The following CDH22 variants were observed in gnomAD, a reference collection of about 807,000 sequenced individuals.
The protein encoded by CDH22 is cadherin-22.
CDH22 carries 30 observed loss-of-function variants against 58.4 expected under a neutral mutation model. That is an observed-to-expected ratio of 0.51 (90% CI 0.38 to 0.70). CDH22 has a LOEUF of 0.70. CDH22 is among the 30% of genes least tolerant of loss of function. The pLI, the probability that CDH22 is intolerant of heterozygous loss-of-function variation, is 0.00. For synonymous variants in CDH22, 513 were observed against 558.2 expected (o/e 0.92, Z 1.14); for missense variants, 1,014 against 1,233.9 (o/e 0.82, Z 2.67).
intron 1 of CDH22, among the ~76,000 whole-genome samples, chr20:46,283,346 C>T (rs889120541): frequency 6.6e-6 from 1 of 152,136 alleles, no homozygotes; most frequent in Non-Finnish European, 1.5e-5. Flanking sequence ...ATTCCAGCTG[C>T]GTGACCTGGG....
chr20:46,280,105 T>A (rs986753111), intron 1 of CDH22, among the ~76,000 whole-genome samples: 6 of 152,212 alleles, frequency 3.9e-5, no homozygotes, highest in African/African-American at 1.4e-4. Flanking sequence ...GGCCTCTTTT[T>A]CTGCTGCTTC....
intron 1 of CDH22, among the ~76,000 whole-genome samples, chr20:46,281,663 G>A (rs988815797): frequency 4.6e-5 from 7 of 152,174 alleles, no homozygotes; most frequent in East Asian, 3.8e-4. Context: ...GCATTATTTC[G>A]AAGGTAGGTA....
In CDH22 at chr20:46,235,780, C is replaced by T. The variant is rs997649337; in HGVS notation, c.550+5183G>A. On this transcript the variant is annotated intron_variant, in intron 3 of 11. Transcript: ENST00000537909. Reference sequence around the variant, plus strand: ...ACACTGGTCCAAGTCACCATCACCTCTTGCTGCACTATTGCAATTGCTTCC... The same window carrying T: ...ACACTGGTCCAAGTCACCATCACCTTTTGCTGCACTATTGCAATTGCTTCC... 4.9e-4 allele frequency among the ~76,000 whole-genome samples: 74 copies of T among 152,240 alleles called. 2 individuals are homozygous for T. Among genetic ancestry groups the T allele is most frequent in the Admixed American group, 6.5e-4 (10 of 15,288 alleles).
rs1250278792 is a variant in CDH22, at chr20:46,300,709, C to T, written c.-400+7546G>A. 2.6e-5 allele frequency among the ~76,000 whole-genome samples: 4 copies of T among 152,246 alleles called. No individual in the cohort carries two copies. The highest frequency in any genetic ancestry group is 1.3e-4 in the Admixed American group (2 of 15,288). ...CATCCTTCCCTTCCCCAGGGACCCC[C>T]CAGTCCCCTCTTCGCTGGCCCCAAG... On this transcript the variant is annotated intron_variant, in intron 1 of 11. Coordinates refer to ENST00000537909, the MANE Select transcript of CDH22 (RefSeq NM_021248.3). This position sits in a 1 kb window ranked among gnomAD's most constrained non-coding sequence, Gnocchi z 4.4.
At chr20:46,264,241 A>G (rs1440627590) in intron 1 of CDH22, among the ~76,000 whole-genome samples, 2 of 152,120 alleles carry the variant, frequency 1.3e-5, no homozygotes, top group Non-Finnish European at 2.9e-5. Flanking sequence ...CTTCACTCCA[A>G]TGAGAAGGCT....
intron 6 of CDH22, 56 bp downstream of exon 6, chr20:46,212,939 C>T (rs968496559): frequency 6.7e-7 from 1 of 1,496,226 alleles, no homozygotes. Context: ...CAGAGGCCTC[C>T]CTGATCCTCC....
At chr20:46,217,146 A>C (rs1478564501) in intron 4 of CDH22, among the ~76,000 whole-genome samples, 153 bp from the exon 5 acceptor site, 1 of 152,108 alleles carries the variant, frequency 6.6e-6, no homozygotes, top group Non-Finnish European at 1.5e-5. Flanking sequence ...CGTGTCCACC[A>C]TGTGGGACAG....
chr20:46,258,861 C>T (rs997810933), intron 1 of CDH22, among the ~76,000 whole-genome samples: 1 of 152,224 alleles, frequency 6.6e-6, no homozygotes, highest in African/African-American at 2.4e-5. Flanking sequence ...ACCACACTGA[C>T]TGCAGGGTCC....
At chr20:46,186,027 A>G (rs1324891817) in intron 10 of CDH22, among the ~76,000 whole-genome samples, 1 of 151,988 alleles carries the variant, frequency 6.6e-6, no homozygotes, top group Non-Finnish European at 1.5e-5. Flanking sequence ...AGTCTGGGCA[A>G]TACGGCAAAA....
rs1190718650 is a variant in CDH22, at chr20:46,216,881, A to AGTGGAGCCCGAGAGGCCAC, written c.764_782dup (p.Thr262TrpfsTer17). 4 of 1,610,558 alleles carry AGTGGAGCCCGAGAGGCCAC rather than the reference A, an allele frequency of 2.5e-6. No homozygotes were observed. Among genetic ancestry groups the AGTGGAGCCCGAGAGGCCAC allele is most frequent in the Non-Finnish European group, 3.4e-6 (4 of 1,177,318 alleles). ...CGTCGGTGACTACGATGGTGACGGT[A>AGTGGAGCCCGAGAGGCCAC]GTGGAGCCCGAGAGGCCACCCAGCT... On this transcript the variant is annotated frameshift_variant, in exon 5 of 12. Coordinates refer to ENST00000537909, the MANE Select transcript of CDH22 (RefSeq NM_021248.3). LOFTEE classifies it high-confidence loss of function. The surrounding 1 kb of genome is among the most constrained non-coding windows in gnomAD (Gnocchi z 5.3).
chr20:46,174,081 TA>T lies in CDH22; in HGVS notation c.*424del, dbSNP rs969702420. Reference sequence around the variant, plus strand: ...CTCTGTACAGCGTCCCAGCACACAGTAGGTGCTTAGTAAGTGAACAGCCTTC... The same window carrying T: ...CTCTGTACAGCGTCCCAGCACACAGTGGTGCTTAGTAAGTGAACAGCCTTC... On this transcript the variant is annotated 3_prime_UTR_variant, in exon 12 of 12. Transcript: ENST00000537909. The surrounding 1 kb of genome is among the most constrained non-coding windows in gnomAD (Gnocchi z 4.4). The T allele has an allele frequency of 2.0e-4, 41 of 205,872 alleles. No individual in the cohort carries two copies. The highest frequency in any genetic ancestry group is 8.1e-4 in the Admixed American group (13 of 16,014). 12.8% of individuals were successfully genotyped at this position (205,872 alleles called of 1,614,324 possible).
intron 2 of CDH22, among the ~76,000 whole-genome samples, chr20:46,250,163 C>A (rs2145736517): frequency 6.6e-6 from 1 of 152,288 alleles, no homozygotes; most frequent in Admixed American, 6.5e-5. Context: ...AGATCTTCAG[C>A]CAGATTTACC....
intron 1 of CDH22, among the ~76,000 whole-genome samples, chr20:46,261,715 T>G (rs1042278744): frequency 7.9e-5 from 12 of 152,164 alleles, no homozygotes; most frequent in African/African-American, 2.9e-4. Flanking sequence ...CCCAGAGCTC[T>G]CTGTGCTTGG....
chr20:46,184,240 A>G (rs1568650712), intron 10 of CDH22, among the ~76,000 whole-genome samples: 1 of 152,046 alleles, frequency 6.6e-6, no homozygotes. Flanking sequence ...CTGGGATTAC[A>G]GGCATGCGCC....
rs199928920 is a variant in CDH22, at chr20:46,213,044, T to G, written c.983A>C (p.Lys328Thr). 1 of 1,614,228 alleles carries G rather than the reference T, an allele frequency of 6.2e-7. No individual in the cohort carries two copies. The highest frequency in any genetic ancestry group is 1.7e-5 in the Admixed American group (1 of 60,030). ...DESSSGGDVF[K>T]VTTDSDTQEA... ...CTGAGTGTCGCTGTCTGTGGTGACC[T>G]TGAACACATCGCCGCCGCTGCTGCT... is the stretch of plus-strand genomic sequence containing the variant. Residue 328 changes from lysine (K) to threonine (T), a missense_variant, in exon 6 of 12, where the codon AAG becomes ACG. Transcript: ENST00000537909.
chr20:46,274,934 G>T (rs1326749045), intron 1 of CDH22, among the ~76,000 whole-genome samples: 2 of 152,182 alleles, frequency 1.3e-5, no homozygotes, highest in Non-Finnish European at 2.9e-5. Flanking sequence ...GTTGCCTGGT[G>T]CTGGCAGTAG....
At chr20:46,296,786 T>A (rs2086630944) in intron 1 of CDH22, among the ~76,000 whole-genome samples, 1 of 152,210 alleles carries the variant, frequency 6.6e-6, no homozygotes, top group Admixed American at 6.5e-5. Flanking sequence ...GCAGCCTCCC[T>A]CTCGCACAGC....
intron 1 of CDH22, among the ~76,000 whole-genome samples, chr20:46,253,257 T>C (rs1347055792): frequency 1.3e-5 from 2 of 152,244 alleles, no homozygotes; most frequent in African/African-American, 4.8e-5. Flanking sequence ...AGATGCCTAA[T>C]TCCCCAGTGC....
intron 1 of CDH22, among the ~76,000 whole-genome samples, chr20:46,253,285 C>T (rs950434940): frequency 6.6e-6 from 1 of 152,138 alleles, no homozygotes; most frequent in Non-Finnish European, 1.5e-5. Context: ...TCTAGCATCT[C>T]CTCCGGAAAA....
Sources: allele counts gnomAD v4.1 joint callset (sites outside exome capture counted in the v4.1 genomes callset), GRCh38; gene constraint gnomAD v4.1.1; non-coding constraint Gnocchi (gnomAD v3.1); transcripts MANE v1.5; gene names NCBI Gene and HGNC (gene_info 2026-07-23, HGNC 2026-07-21).